Variants in COG3 observed in about 807,000 individuals in gnomAD.
The protein encoded by COG3 is component of oligomeric golgi complex 3, also known as conserved oligomeric Golgi complex subunit 3.
COG3 carries 32 observed loss-of-function variants against 114.1 expected under a neutral mutation model. The ratio of observed to expected loss-of-function variants is 0.28; its 90% CI spans 0.21 to 0.38. The LOEUF is 0.38. Ranked by LOEUF, COG3 falls within the 10% of genes least tolerant of loss-of-function variation. COG3 has a pLI of 1.00. For missense variants in COG3, 813 were observed against 973.2 expected (o/e 0.84, Z 2.19); for synonymous variants, 352 against 365.7 (o/e 0.96, Z 0.43).
intron 13 of COG3, among the ~76,000 whole-genome samples, chr13:45,497,711 G>A (rs1039301529): frequency 5.9e-5 from 9 of 151,900 alleles, no homozygotes; most frequent in South Asian, 2.1e-4. Flanking sequence ...ACTTGAGCCC[G>A]GGAGGTGGAG....
chr13:45,479,825 T>C (rs1886136211), intron 3 of COG3, among the ~76,000 whole-genome samples: 1 of 152,216 alleles, frequency 6.6e-6, no homozygotes. Context: ...GGGATGGCTT[T>C]GGTGTCCCAG....
chr13:45,512,222 A>G (rs1870944078), intron 16 of COG3, among the ~76,000 whole-genome samples: 2 of 152,226 alleles, frequency 1.3e-5, no homozygotes, highest in Non-Finnish European at 1.5e-5. Context: ...AATGTTTTAA[A>G]TAGTTGAATG....
At chr13:45,477,903 G>C (rs1474811816) in intron 2 of COG3, among the ~76,000 whole-genome samples, 1 of 152,096 alleles carries the variant, frequency 6.6e-6, no homozygotes, top group Non-Finnish European at 1.5e-5. Flanking sequence ...TAGGATTACA[G>C]GCGTGAGCTA....
intron 12 of COG3, among the ~76,000 whole-genome samples, chr13:45,494,325 T>TAAA (rs756763419): frequency 2.6e-4 from 31 of 117,026 alleles, no homozygotes; most frequent in Admixed American, 8.8e-5. Context: ...GACTCTGTCT[T>TAAA]AAAAAAAAAA....
chr13:45,508,995 A>G (rs1230028297), intron 14 of COG3, among the ~76,000 whole-genome samples: 1 of 150,114 alleles, frequency 6.7e-6, no homozygotes, highest in Non-Finnish European at 1.5e-5. Flanking sequence ...CCACCTCCAC[A>G]GGCTCCCACC....
chr13:45,500,094 GTATATATA>G (rs3083326), intron 13 of COG3, among the ~76,000 whole-genome samples: 5,811 of 114,526 alleles, frequency 0.051, 160 homozygotes, highest in East Asian at 0.084. Flanking sequence ...GTGTGTGTGT[GTATATATA>G]TATATATATA....
At chr13:45,492,736 CTT>C (rs1887092488) in intron 11 of COG3, among the ~76,000 whole-genome samples, 1 of 152,106 alleles carries the variant, frequency 6.6e-6, no homozygotes, top group Non-Finnish European at 1.5e-5. Context: ...GCTCATGACT[CTT>C]GTAATGAGGA....
At chr13:45,521,845 T>C (rs1969885) in intron 19 of COG3, among the ~76,000 whole-genome samples, 134,581 of 148,898 alleles carry the variant, frequency 0.9, 60,957 homozygotes, top group African/African-American at 0.94. Context: ...CTCTGTTACC[T>C]GGGCTGGAGT....
At chr13:45,498,723 C>G (rs1344651708) in intron 13 of COG3, among the ~76,000 whole-genome samples, 1 of 145,744 alleles carries the variant, frequency 6.9e-6, no homozygotes, top group East Asian at 2.0e-4. Context: ...ACCAGACTGT[C>G]TGGATTACAG....
chr13:45,498,356 CTTT>C (rs61289410), intron 13 of COG3, among the ~76,000 whole-genome samples: 2,063 of 117,664 alleles, frequency 0.018, 19 homozygotes, highest in South Asian at 0.052. Flanking sequence ...CTTCAGATGT[CTTT>C]TTTTTTTTTT....
At chr13:45,530,871 G>A (rs1873112225) in intron 22 of COG3, 91 bp downstream of exon 22, 11 of 1,376,950 alleles carry the variant, frequency 8.0e-6, no homozygotes, top group Non-Finnish European at 1.1e-5. Flanking sequence ...CATATTTTTA[G>A]TATTAATTTA....
chr13:45,482,326 A>G, intron 5 of COG3, 55 bp from the exon 6 acceptor site: 1 of 935,446 alleles, frequency 1.1e-6, no homozygotes, highest in Admixed American at 2.2e-5. Context: ...ATAGTTTCCA[A>G]CTTTTATCTG....
At chr13:45,484,717 C>G (rs1886468150) in intron 7 of COG3, among the ~76,000 whole-genome samples, 1 of 139,726 alleles carries the variant, frequency 7.2e-6, no homozygotes, top group African/African-American at 2.7e-5. Flanking sequence ...GAACAAAGGT[C>G]TCTGGTTTTC....
chr13:45,493,379 A>G lies in COG3; in HGVS notation c.1220A>G (p.Tyr407Cys), dbSNP rs1887135659. 3 of 1,613,010 alleles carry G rather than the reference A, an allele frequency of 1.9e-6. No individual in the cohort carries two copies. Among genetic ancestry groups the G allele is most frequent in the Admixed American group, 1.7e-5 (1 of 59,976 alleles). The change falls in exon 12 of 23, where the codon TAT becomes TGT. Residue 407 changes from tyrosine (Y) to cysteine (C), a missense_variant. By Grantham distance (194) the Tyr-to-Cys change is radical. Transcript: ENST00000349995. ...ELLEKLCVSL[Y>C]DVFRPLIIHV... The stretch of plus-strand genomic sequence containing the variant: ...TTGGAGAAACTGTGTGTGTCATTGT[A>G]TGATGTCTTCAGGCCATTGATCATT...
At position 45,530,661 on chromosome 13, in the gene COG3, TCTC is replaced by T. The variant is rs1228798106; in HGVS notation, c.2359-17_2359-15del. 9 of 1,406,958 alleles carry T rather than the reference TCTC, an allele frequency of 6.4e-6. No individual in the cohort carries two copies. Among genetic ancestry groups the T allele is most frequent in the Non-Finnish European group, 9.1e-6 (9 of 991,918 alleles). 87.2% of individuals were successfully genotyped at this position (1,406,958 alleles called of 1,614,324 possible). A position where few individuals can be genotyped will look rare whatever the true frequency, so the allele number is the denominator to read the frequency against. On this transcript the variant is annotated intron_variant, in intron 21 of 22. Coordinates refer to ENST00000349995, the MANE Select transcript of COG3 (RefSeq NM_031431.4). ...GTTTAAGACAACTCATTTGATAAGA[TCTC>T]CTCTCCTCCTTTCTAAGAATAATAT...
At chr13:45,507,797 T>C (rs1441726534) in intron 14 of COG3, among the ~76,000 whole-genome samples, 1 of 142,330 alleles carries the variant, frequency 7.0e-6, no homozygotes, top group African/African-American at 2.6e-5. Context: ...AGCCTGGGTG[T>C]GGTGGCTCAT....
intron 19 of COG3, among the ~76,000 whole-genome samples, chr13:45,520,296 T>A (rs9590906): frequency 0.014 from 1,089 of 75,564 alleles, 18 homozygotes; most frequent in East Asian, 0.092. Context: ...AAAAAAAAAA[T>A]AAAAATAAAA....
chr13:45,483,409 A>C, intron 7 of COG3, 54 bp downstream of exon 7: 1 of 1,415,946 alleles, frequency 7.1e-7, no homozygotes, highest in South Asian at 1.5e-5. Context: ...GTTTTGATTC[A>C]TTCATCTTCC....
At chr13:45,521,482 G>A (rs1013144722) in intron 19 of COG3, among the ~76,000 whole-genome samples, 3 of 152,080 alleles carry the variant, frequency 2.0e-5, no homozygotes, top group Non-Finnish European at 4.4e-5. Context: ...ACTGCAGCCT[G>A]GAGGACTGAG....
Sources: gnomAD v4.1 joint callset for allele counts (sites outside exome capture counted in the v4.1 genomes callset) on GRCh38, gnomAD v4.1.1 for gene constraint, MANE v1.5 for transcripts, NCBI Gene and HGNC (gene_info 2026-07-23, HGNC 2026-07-21) for gene names.